Variants in ETV6 observed in about 807,000 individuals in gnomAD.
ETV6 encodes transcription factor ETV6.
In ETV6, 16 loss-of-function variants were observed where a neutral mutation model predicts 51.1. The ratio of observed to expected loss-of-function variants is 0.31; its 90% CI spans 0.21 to 0.48. ETV6 has a LOEUF of 0.48. Ranked by LOEUF, ETV6 falls within the 20% of genes least tolerant of loss-of-function variation. The pLI, the probability that ETV6 is intolerant of heterozygous loss-of-function variation, is 0.99. For synonymous variants in ETV6, 240 were observed against 224.1 expected (o/e 1.07, Z -0.64); for missense variants, 458 against 594.8 (o/e 0.77, Z 2.39).
chr12:11,879,693 A>G (rs1382506798), intron 5 of ETV6, among the ~76,000 whole-genome samples: 1 of 152,278 alleles, frequency 6.6e-6, no homozygotes, highest in African/African-American at 2.4e-5. Flanking sequence ...ATGTGCCTTG[A>G]GATAGAAGAA....
intron 2 of ETV6, among the ~76,000 whole-genome samples, chr12:11,779,156 G>A (rs1005037677): frequency 1.3e-5 from 2 of 152,186 alleles, no homozygotes; most frequent in African/African-American, 4.8e-5. Context: ...GCACACGTGC[G>A]TCTCTGCGTA....
chr12:11,708,242 T>C (rs374142218), intron 1 of ETV6, among the ~76,000 whole-genome samples: 2 of 149,906 alleles, frequency 1.3e-5, no homozygotes, highest in Non-Finnish European at 3.0e-5. Context: ...AAGTTTAGGG[T>C]TGGGGAGTCT....
rs886779401 is a variant in ETV6, at chr12:11,750,594, A to G, written c.34-1856A>G. On this transcript the variant is annotated intron_variant, in intron 1 of 7. Coordinates refer to ENST00000396373, the MANE Select transcript of ETV6 (RefSeq NM_001987.5). ...AAGTTTCACTTCTGCAAAAACCCTA[A>G]CAAAACAGAAAGCTATTTCCGAGAA... is the stretch of plus-strand genomic sequence containing the variant. Among the ~76,000 whole-genome samples the G allele has an allele frequency of 6.6e-5, 10 of 152,324 alleles. No individual in the cohort carries two copies. In the South Asian group the frequency reaches 1.9e-3, roughly 28 times the overall value.
intron 2 of ETV6, among the ~76,000 whole-genome samples, chr12:11,838,449 C>T (rs530891295): frequency 1.3e-5 from 2 of 152,300 alleles, no homozygotes; most frequent in South Asian, 4.1e-4. Context: ...GGTTCCTACT[C>T]AGAGTTCAAG....
chr12:11,754,712 T>C (rs767749888), intron 2 of ETV6, among the ~76,000 whole-genome samples: 3 of 152,242 alleles, frequency 2.0e-5, no homozygotes, highest in Non-Finnish European at 2.9e-5. Context: ...AACACTTGAA[T>C]TTTTTCTTGA....
chr12:11,650,853 G>A (rs1305960404), intron 1 of ETV6, among the ~76,000 whole-genome samples: 1 of 152,200 alleles, frequency 6.6e-6, no homozygotes, highest in Non-Finnish European at 1.5e-5. Context: ...CTGTGATGGA[G>A]GGAGAGGAAG....
At position 11,893,794 on chromosome 12, in the gene ETV6, TTATATATA is replaced by T. The variant is rs57308697; in HGVS notation, c.*2789_*2796del. On this transcript the variant is annotated 3_prime_UTR_variant, in exon 8 of 8. Transcript: ENST00000396373. ...GTGTCCATCCCCAAGATCTCTCATT[TTATATATA>T]TATATATATATATATATATATATAT... is the stretch of plus-strand genomic sequence containing the variant. The T allele has an allele frequency of 0.076, 5,948 of 78,690 alleles. 279 individuals are homozygous for T. The highest frequency in any genetic ancestry group is 0.095 in the Non-Finnish European group (3,999 of 42,148). The allele number at this position is 78,690 out of a possible 1,614,324, so 4.9% of individuals were successfully genotyped here.
chr12:11,707,277 T>C (rs1865089772), intron 1 of ETV6, among the ~76,000 whole-genome samples: 1 of 152,222 alleles, frequency 6.6e-6, no homozygotes, highest in Non-Finnish European at 1.5e-5. Flanking sequence ...TAAAGAATCC[T>C]GAGCAGCGGG....
At chr12:11,753,735 C>T (rs1176857582) in intron 2 of ETV6, among the ~76,000 whole-genome samples, 1 of 152,214 alleles carries the variant, frequency 6.6e-6, no homozygotes, top group East Asian at 1.9e-4. Context: ...ACACTGCCGC[C>T]GGCTTATGCC....
intron 2 of ETV6, among the ~76,000 whole-genome samples, chr12:11,799,750 T>A (rs974971193): frequency 6.6e-6 from 1 of 152,194 alleles, no homozygotes; most frequent in African/African-American, 2.4e-5. Flanking sequence ...GTGCCTGATG[T>A]GTGTGCGTGT....
At chr12:11,699,165 T>C (rs780851341) in intron 1 of ETV6, among the ~76,000 whole-genome samples, 69 of 150,040 alleles carry the variant, frequency 4.6e-4, no homozygotes, top group Admixed American at 2.0e-4. Flanking sequence ...GACAACATTC[T>C]TTCTTTTCTG....
chr12:11,808,855 C>A (rs998536740), intron 2 of ETV6, among the ~76,000 whole-genome samples: 2 of 152,106 alleles, frequency 1.3e-5, no homozygotes, highest in African/African-American at 4.8e-5. Flanking sequence ...TCATTGATGA[C>A]AGGATGACCT....
chr12:11,685,861 A>G (rs1007170703), intron 1 of ETV6, among the ~76,000 whole-genome samples: 3 of 152,226 alleles, frequency 2.0e-5, no homozygotes, highest in Non-Finnish European at 2.9e-5. Flanking sequence ...CTTTGCATAC[A>G]TATACAGAGA....
chr12:11,776,155 T>G (rs1449048479), intron 2 of ETV6, among the ~76,000 whole-genome samples: 1 of 152,196 alleles, frequency 6.6e-6, no homozygotes, highest in East Asian at 1.9e-4. Flanking sequence ...AGGGAGGTTT[T>G]GGGGTGATAG....
At chr12:11,746,343 A>G (rs1865907725) in intron 1 of ETV6, among the ~76,000 whole-genome samples, 1 of 152,244 alleles carries the variant, frequency 6.6e-6, no homozygotes, top group African/African-American at 2.4e-5. Context: ...AGTGACTGGA[A>G]CTGCGGTTTT....
intron 1 of ETV6, among the ~76,000 whole-genome samples, chr12:11,713,724 G>A (rs985216340): frequency 6.6e-6 from 1 of 152,064 alleles, no homozygotes; most frequent in Non-Finnish European, 1.5e-5. Context: ...TCTTTATCTG[G>A]AATATATATT....
intron 5 of ETV6, among the ~76,000 whole-genome samples, chr12:11,881,095 G>A (rs1023606193): frequency 4.0e-5 from 6 of 151,892 alleles, no homozygotes; most frequent in African/African-American, 7.3e-5. Context: ...GCACCACCAC[G>A]CCTGGATAAT....
At chr12:11,783,662 A>T (rs1945442083) in intron 2 of ETV6, among the ~76,000 whole-genome samples, 1 of 152,236 alleles carries the variant, frequency 6.6e-6, no homozygotes, top group Non-Finnish European at 1.5e-5. Flanking sequence ...TGTAGAAGTG[A>T]GAAAAAATAA....
At chr12:11,844,316 AT>A (rs1946430031) in intron 3 of ETV6, among the ~76,000 whole-genome samples, 1 of 152,218 alleles carries the variant, frequency 6.6e-6, no homozygotes, top group African/African-American at 2.4e-5. Context: ...AGTTCCTTCA[AT>A]TCAGCAAAAC....
Sources: gnomAD v4.1 joint callset for allele counts (sites outside exome capture counted in the v4.1 genomes callset) on GRCh38, gnomAD v4.1.1 for gene constraint, MANE v1.5 for transcripts, NCBI Gene and HGNC (gene_info 2026-07-23, HGNC 2026-07-21) for gene names.